TRIP11: variants seen among roughly 807,000 people sequenced by gnomAD.
TRIP11 encodes thyroid receptor-interacting protein 11.
TRIP11 carries 148 observed loss-of-function variants against 223.1 expected under a neutral mutation model. That is an observed-to-expected ratio of 0.66 (90% confidence interval 0.58 to 0.76). The LOEUF is 0.76. Ranked by LOEUF, TRIP11 falls within the 30% of genes least tolerant of loss-of-function variation. The pLI, the probability that TRIP11 is intolerant of heterozygous loss-of-function variation, is 0.00. For missense variants in TRIP11, 2,043 were observed against 2,222.0 expected (o/e 0.92, Z 1.62); for synonymous variants, 762 against 772.6 (o/e 0.99, Z 0.23).
intron 6 of TRIP11, among the ~76,000 whole-genome samples, chr14:92,014,864 A>G (rs542682321): frequency 1.1e-4 from 17 of 151,878 alleles, no homozygotes; most frequent in African/African-American, 3.4e-4. Context: ...AATTATAACT[A>G]TTTACCACAA....
intron 2 of TRIP11, among the ~76,000 whole-genome samples, chr14:92,028,647 A>AT: frequency 6.6e-6 from 1 of 152,158 alleles, no homozygotes; most frequent in Admixed American, 6.5e-5. Context: ...CAGAGATAAT[A>AT]TTTTCTATTA....
rs2056414546 is a variant in TRIP11, at chr14:91,972,734, G to A, written c.5702C>T (p.Ala1901Val). The change falls in exon 20 of 21, where the codon GCA becomes GTA. Residue 1901 changes from alanine (A) to valine (V), a missense_variant. By Grantham distance (64) the Ala-to-Val change is moderately conservative. Coordinates refer to ENST00000267622, the MANE Select transcript of TRIP11 (RefSeq NM_004239.4). ...AGTTTTACCTTTAAAACTTTCTGGT[G>A]CATTTGTATCTCTTTTTCTTCTTCC... is the stretch of plus-strand genomic sequence containing the variant. ...SPGRRKRDTN[A>V]PESFKDTAES... The A allele has an allele frequency of 1.2e-6, 2 of 1,610,118 alleles. No individual in the cohort carries two copies. The highest frequency in any genetic ancestry group is 1.7e-6 in the Non-Finnish European group (2 of 1,178,636).
Position 92,004,965 on chromosome 14 carries a change from A to G in TRIP11, c.3011T>C (p.Ile1004Thr), listed in dbSNP as rs1260987024. ...ATCATGCTTTTCACTTCCATTTTCT[A>G]TATTAAGGCTCTGAACTTTTGTTTC... Reference protein sequence around the residue: ...FQETKVQSLNIENGSEKHDLS... With the variant: ...FQETKVQSLNTENGSEKHDLS... The change falls in exon 11 of 21, where the codon ATA becomes ACA. Residue 1004 changes from isoleucine (I) to threonine (T), a missense_variant. Ile to Thr is a moderately conservative substitution (Grantham distance 89). Coordinates refer to ENST00000267622, the MANE Select transcript of TRIP11 (RefSeq NM_004239.4). The G allele has an allele frequency of 6.2e-7, 1 of 1,613,594 alleles. No individual in the cohort carries two copies. The highest frequency in any genetic ancestry group is 1.3e-5 in the African/African-American group (1 of 74,850).
intron 13 of TRIP11, among the ~76,000 whole-genome samples, chr14:91,998,593 G>T (rs180748126): frequency 6.6e-6 from 1 of 151,674 alleles, no homozygotes; most frequent in African/African-American, 2.4e-5. Context: ...AGACATAAAA[G>T]TATAAAAAGG....
In TRIP11 at chr14:91,967,809, A is replaced by G. The variant is rs1474010984; in HGVS notation, c.*1864T>C. 1 of 195,770 alleles carries G rather than the reference A, an allele frequency of 5.1e-6. No individual in the cohort carries two copies. The highest frequency in any genetic ancestry group is 2.3e-5 in the African/African-American group (1 of 43,282). The allele number at this position is 195,770 out of a possible 1,614,324, so 12.1% of individuals were successfully genotyped here. On this transcript the variant is annotated 3_prime_UTR_variant, in exon 21 of 21. Coordinates refer to ENST00000267622, the MANE Select transcript of TRIP11 (RefSeq NM_004239.4). Reference sequence around the variant, plus strand: ...TTCAATGGCAAGCAGCAAATAATGTAGGATAGTCAGTGAAAGTATCTTTGT... The same window carrying G: ...TTCAATGGCAAGCAGCAAATAATGTGGGATAGTCAGTGAAAGTATCTTTGT...
At chr14:92,024,299 A>G (rs557132834) in intron 3 of TRIP11, among the ~76,000 whole-genome samples, 3 of 151,050 alleles carry the variant, frequency 2.0e-5, no homozygotes, top group South Asian at 4.2e-4. Context: ...TTGAACCGGG[A>G]TGCAGAGGTT....
At position 92,005,196 on chromosome 14, in the gene TRIP11, A is replaced by G. The variant is rs745502586; in HGVS notation, c.2780T>C (p.Met927Thr). ...CTCTTGTAAAGACTGAAGTAGTTGC[A>G]TCTTACTCTGGTTTTGATCTTCAAT... The part of the protein sequence containing the change: ...KIIEDQNQSK[M>T]QLLQSLQEQK... The change falls in exon 11 of 21, where the codon ATG (methionine) becomes ACG (threonine). Residue 927 changes from methionine to threonine, a missense_variant. Transcript: ENST00000267622. 1.9e-6 allele frequency: 3 copies of G among 1,614,054 alleles called. No homozygotes were observed. The highest frequency in any genetic ancestry group is 2.5e-6 in the Non-Finnish European group (3 of 1,180,034).
In TRIP11 at chr14:91,966,745, T is replaced by C. The variant is rs1177523098; in HGVS notation, c.*2928A>G. 4.7e-6 allele frequency: 1 copy of C among 211,804 alleles called. No individual in the cohort carries two copies. Among genetic ancestry groups the C allele is most frequent in the African/African-American group, 2.3e-5 (1 of 44,086 alleles). 13.1% of individuals were successfully genotyped at this position (211,804 alleles called of 1,614,324 possible). Reference sequence around the variant, plus strand: ...TGAAAATTCAAACAATTTGATCCAGTATTATGCTAAAATTAAATTCAGTAG... The same window carrying C: ...TGAAAATTCAAACAATTTGATCCAGCATTATGCTAAAATTAAATTCAGTAG... On this transcript the variant is annotated 3_prime_UTR_variant, in exon 21 of 21. Coordinates refer to ENST00000267622, the MANE Select transcript of TRIP11 (RefSeq NM_004239.4).
intron 18 of TRIP11, 60 bp from the exon 19 acceptor site, chr14:91,974,803 G>A (rs2056443967): frequency 8.1e-6 from 10 of 1,237,436 alleles, no homozygotes; most frequent in Non-Finnish European, 1.0e-5. Context: ...AAAAAACAAG[G>A]ACCACTTTTA....
chr14:92,001,375 A>G (rs7161006), intron 11 of TRIP11, among the ~76,000 whole-genome samples: 2,075 of 126,190 alleles, frequency 0.016, 35 homozygotes, highest in African/African-American at 0.065. Context: ...ATAGTTTTTC[A>G]GTTTTTTTTT....
At chr14:92,011,511 A>T (rs956076255) in intron 8 of TRIP11, among the ~76,000 whole-genome samples, 2 of 146,388 alleles carry the variant, frequency 1.4e-5, no homozygotes, top group Non-Finnish European at 1.5e-5. Context: ...AAAAAAAAAG[A>T]ATGCAACACT....
At chr14:92,012,069 C>T (rs1299212885) in intron 7 of TRIP11, among the ~76,000 whole-genome samples, 1 of 151,974 alleles carries the variant, frequency 6.6e-6, no homozygotes, top group Admixed American at 6.6e-5. Context: ...CAAGTTATTG[C>T]CTTGATAAAA....
intron 6 of TRIP11, 26 bp from the exon 7 acceptor site, chr14:92,014,603 C>T: frequency 6.3e-7 from 1 of 1,592,672 alleles, no homozygotes; most frequent in Non-Finnish European, 8.5e-7. Flanking sequence ...AAAACAATGA[C>T]ATCAAATGTC....
intron 1 of TRIP11, among the ~76,000 whole-genome samples, chr14:92,033,893 A>G (rs1358966657): frequency 1.3e-5 from 2 of 152,076 alleles, no homozygotes; most frequent in African/African-American, 4.8e-5. Context: ...ATACCCCCCG[A>G]GTCTGCTTTA....
rs1032268124 is a variant in TRIP11 at position 92,014,129 on chromosome 14, G to A, written c.1186+86C>T. On this transcript the variant is annotated intron_variant, in intron 7 of 20. Coordinates refer to ENST00000267622, the MANE Select transcript of TRIP11 (RefSeq NM_004239.4). ...TCCAGGAATATGCCATTTCCACTAA[G>A]TATTCAGTTAGTGAAGCATCTGTCT... is the stretch of plus-strand genomic sequence containing the variant. 1.3e-5 allele frequency: 20 copies of A among 1,525,724 alleles called. No individual in the cohort carries two copies. In the African/African-American group the frequency reaches 2.2e-4, roughly 17 times the overall value. 94.5% of individuals were successfully genotyped at this position (1,525,724 alleles called of 1,614,324 possible).
At chr14:92,006,689 G>A (rs2056907968) in intron 10 of TRIP11, among the ~76,000 whole-genome samples, 2 of 152,112 alleles carry the variant, frequency 1.3e-5, no homozygotes, top group African/African-American at 4.8e-5. Context: ...CCAGGCTGGA[G>A]TGCAATGGCA....
Position 92,021,563 on chromosome 14 carries a change from A to G in TRIP11, c.581T>C (p.Ile194Thr), listed in dbSNP as rs2057115095. Reference protein sequence around the residue: ...LESEVGHWRHIAQTSKAQGTD... With the variant: ...LESEVGHWRHTAQTSKAQGTD... ...TAAAAAATTTTTATCTACCTGAGCA[A>G]TATGCCTCCAATGGCCAACTTCAGA... The change falls in exon 4 of 21, where the codon ATT becomes ACT. Residue 194 changes from isoleucine to threonine, a missense_variant. By Grantham distance (89) the Ile-to-Thr change is moderately conservative. Transcript: ENST00000267622. 1 of 1,614,064 alleles carries G rather than the reference A, an allele frequency of 6.2e-7. No individual in the cohort carries two copies. Among genetic ancestry groups the G allele is most frequent in the African/African-American group, 1.3e-5 (1 of 74,924 alleles).
At chr14:91,999,892 T>C in intron 12 of TRIP11, 76 bp downstream of exon 12, 1 of 1,581,618 alleles carries the variant, frequency 6.3e-7, no homozygotes. Context: ...TCATTTTCAC[T>C]GATCACCTTT....
intron 16 of TRIP11, among the ~76,000 whole-genome samples, chr14:91,982,296 G>A (rs2056554794): frequency 1.3e-5 from 2 of 152,122 alleles, no homozygotes; most frequent in South Asian, 4.1e-4. Flanking sequence ...TTTAAAAAGA[G>A]TAAATATTAT....
Sources: gnomAD v4.1 joint callset for allele counts (sites outside exome capture counted in the v4.1 genomes callset) on GRCh38, gnomAD v4.1.1 for gene constraint, MANE v1.5 for transcripts, NCBI Gene and HGNC (gene_info 2026-07-23, HGNC 2026-07-21) for gene names.